PRMT8: variants seen among roughly 807,000 people sequenced by gnomAD.
PRMT8 encodes protein arginine methyltransferase 8, also known as protein arginine N-methyltransferase 8.
A neutral mutation model predicts 47.1 loss-of-function variants in PRMT8; 7 were observed. The ratio of observed to expected loss-of-function variants is 0.15; its 90% CI spans 0.08 to 0.28. PRMT8 has a LOEUF of 0.28. PRMT8 is among the 10% of genes least tolerant of loss of function. PRMT8 has a pLI of 1.00. For missense variants in PRMT8, 237 were observed against 505.4 expected, an observed-to-expected ratio of 0.47 and a Z score of 5.09; for synonymous variants, 188 against 186.5, an observed-to-expected ratio of 1.01 and a Z score of -0.07.
intron 1 of PRMT8, among the ~76,000 whole-genome samples, 179 bp downstream of exon 1, chr12:3,491,879 TG>T (rs1865413440): frequency 1.0e-5 from 1 of 97,334 alleles, no homozygotes; most frequent in Non-Finnish European, 2.0e-5. Context: ...TGTGTGTGTG[TG>T]TGTGTGTGTT....
At chr12:3,412,171 A>G (rs1864437592) in intron 1 of PRMT8, among the ~76,000 whole-genome samples, 1 of 152,228 alleles carries the variant, frequency 6.6e-6, no homozygotes, top group East Asian at 1.9e-4. Context: ...ACAGCATGTT[A>G]CTGTTCTCAA....
At chr12:3,549,865 G>T in intron 2 of PRMT8, 71 bp from the exon 3 acceptor site, 5 of 1,567,858 alleles carry the variant, frequency 3.2e-6, no homozygotes, top group Non-Finnish European at 4.4e-6. Context: ...TGGTCCAGGG[G>T]CTCATAGCCA....
intron 1 of PRMT8, 123 bp from the exon 2 acceptor site, chr12:3,540,483 G>C: frequency 1.5e-6 from 1 of 675,180 alleles, no homozygotes; most frequent in South Asian, 1.8e-5. Flanking sequence ...CTCCCTTTCA[G>C]GAAGGGCTGC....
chr12:3,465,430 C>G (rs942364604), intron 1 of PRMT8, among the ~76,000 whole-genome samples: 2 of 151,812 alleles, frequency 1.3e-5, no homozygotes, highest in Non-Finnish European at 2.9e-5. Flanking sequence ...GGAATAAAGT[C>G]TCTTTGCTCC....
At chr12:3,568,050 C>T (rs1439779687) in intron 4 of PRMT8, among the ~76,000 whole-genome samples, 2 of 136,866 alleles carry the variant, frequency 1.5e-5, no homozygotes, top group Admixed American at 7.9e-5. Context: ...CCAGCCTGGG[C>T]AACAAGAGTG....
At chr12:3,523,834 C>A (rs1386697452) in intron 1 of PRMT8, among the ~76,000 whole-genome samples, 1 of 152,242 alleles carries the variant, frequency 6.6e-6, no homozygotes, top group East Asian at 1.9e-4. Context: ...AGAGCAATCC[C>A]CTTGTTCTCC....
chr12:3,482,163 G>A lies in PRMT8; in HGVS notation c.49-58443G>A, dbSNP rs375981566. Reference sequence around the variant, plus strand: ...CTTGTTTTATGGGCCAGGAGGAAAAGGTACAGATGTTCAGTTTAAATTAAT... The same window carrying A: ...CTTGTTTTATGGGCCAGGAGGAAAAAGTACAGATGTTCAGTTTAAATTAAT... On this transcript the variant is annotated intron_variant, in intron 1 of 9. Transcript: ENST00000452611. Among the ~76,000 whole-genome samples the A allele has an allele frequency of 2.8e-4, 43 of 152,278 alleles. 1 individual carries two copies. The South Asian group carries it at 8.1e-3, about 29-fold the overall frequency.
intron 2 of PRMT8, among the ~76,000 whole-genome samples, chr12:3,546,437 T>A (rs1329170001): frequency 6.6e-6 from 1 of 151,508 alleles, no homozygotes; most frequent in East Asian, 1.9e-4. Flanking sequence ...AATATCTAGT[T>A]AGATTAATCA....
chr12:3,382,936 T>C lies in PRMT8; in HGVS notation c.48+1494T>C, dbSNP rs915141732. On this transcript the variant is annotated intron_variant, in intron 1 of 9. Coordinates refer to the PRMT8 transcript ENST00000452611. ...CTTTTTTCTCTTGTAGGAATCCAAT[T>C]GCTCCAGTACCATTTGATGAAAAGG... is the stretch of plus-strand genomic sequence containing the variant. Among the ~76,000 whole-genome samples, 13 of 152,350 alleles carry C rather than the reference T, an allele frequency of 8.5e-5. No individual in the cohort carries two copies. The South Asian group carries it at 1.9e-3, about 22-fold the overall frequency.
chr12:3,549,304 A>G (rs1866377575), intron 2 of PRMT8, among the ~76,000 whole-genome samples: 1 of 152,170 alleles, frequency 6.6e-6, no homozygotes, highest in South Asian at 2.1e-4. Context: ...CTAAAAAAAA[A>G]TTCACCCCAA....
At chr12:3,441,643 C>T (rs1864803536) in intron 1 of PRMT8, among the ~76,000 whole-genome samples, 1 of 152,238 alleles carries the variant, frequency 6.6e-6, no homozygotes, top group Non-Finnish European at 1.5e-5. Context: ...ACAAAGCCAG[C>T]ACTGGCCATC....
At chr12:3,563,103 G>C (rs554552225) in intron 4 of PRMT8, among the ~76,000 whole-genome samples, 1 of 152,090 alleles carries the variant, frequency 6.6e-6, no homozygotes, top group South Asian at 2.1e-4. Context: ...GGTTCTAAGT[G>C]GTGGGTGATG....
intron 2 of PRMT8, among the ~76,000 whole-genome samples, chr12:3,541,939 G>A (rs1235422229): frequency 6.6e-6 from 1 of 152,084 alleles, no homozygotes; most frequent in African/African-American, 2.4e-5. Context: ...TTTTTTGTGT[G>A]CGTGTGTGCG....
In PRMT8 at chr12:3,493,679, T is replaced by C. The variant is rs1448416989; in HGVS notation, c.75+1979T>C. ...GCGCCGCGCGCCAGTCTATTTTTAC[T>C]TGCTTCCCCCGCCGCTCCGCGCTCC... is the stretch of plus-strand genomic sequence containing the variant. On this transcript the variant is annotated intron_variant, in intron 1 of 9. Transcript: ENST00000382622. This position sits in a 1 kb window ranked among gnomAD's most constrained non-coding sequence, Gnocchi z 8.2. Among the ~76,000 whole-genome samples the C allele has an allele frequency of 6.6e-6, 1 of 152,178 alleles. No individual in the cohort carries two copies. Among genetic ancestry groups the C allele is most frequent in the Non-Finnish European group, 1.5e-5 (1 of 68,028 alleles).
At position 3,532,109 on chromosome 12, in the gene PRMT8, A is replaced by G. The variant is rs187625970; in HGVS notation, c.76-8497A>G. On this transcript the variant is annotated intron_variant, in intron 1 of 9. Transcript: ENST00000382622. ...CGGCCGACATGGATTATAAAACAGA[A>G]ACACTGTTTGAAGTCGGAGCCCAGG... Among the ~76,000 whole-genome samples the G allele has an allele frequency of 9.1e-4, 138 of 152,138 alleles. 2 individuals are homozygous for G. In the East Asian group the frequency reaches 0.019, roughly 20 times the overall value.
At chr12:3,397,841 T>C (rs1340155165) in intron 1 of PRMT8, among the ~76,000 whole-genome samples, 3 of 152,164 alleles carry the variant, frequency 2.0e-5, no homozygotes, top group African/African-American at 7.2e-5. Flanking sequence ...GATCTCAGAC[T>C]GCTGTGCTAG....
intron 1 of PRMT8, among the ~76,000 whole-genome samples, chr12:3,452,324 CACACACACACAT>C (rs1565411292): frequency 1.3e-5 from 2 of 151,566 alleles, no homozygotes; most frequent in Middle Eastern, 3.4e-3. Context: ...TAAACACACA[CACACACACACAT>C]ACACACACAC....
chr12:3,428,860 CTCTT>C (rs1041653766), intron 1 of PRMT8, among the ~76,000 whole-genome samples: 4 of 151,312 alleles, frequency 2.6e-5, no homozygotes, highest in African/African-American at 4.9e-5. Context: ...CCTTGACTCT[CTCTT>C]TGTCTCTCTG....
chr12:3,554,272 A>G (rs529393004), intron 4 of PRMT8, among the ~76,000 whole-genome samples: 3 of 152,160 alleles, frequency 2.0e-5, no homozygotes, highest in South Asian at 4.2e-4. Flanking sequence ...TTTCCCATGG[A>G]CAGCGACATT....
Sources: gnomAD v4.1 joint callset for allele counts (sites outside exome capture counted in the v4.1 genomes callset) on GRCh38, gnomAD v4.1.1 for gene constraint, Gnocchi (gnomAD v3.1) non-coding constraint, MANE v1.5 for transcripts, NCBI Gene and HGNC (gene_info 2026-07-23, HGNC 2026-07-21) for gene names.